The following AZGP1 variants were observed in gnomAD, a reference collection of about 807,000 sequenced individuals.
AZGP1 encodes alpha-2-glycoprotein 1, zinc-binding.
A neutral mutation model predicts 31.5 loss-of-function variants in AZGP1; 28 were observed. The ratio of observed to expected loss-of-function variants is 0.89; its 90% CI spans 0.66 to 1.22. The LOEUF is 1.22. AZGP1 is among the 50% of genes most tolerant of loss of function. The pLI, the probability that AZGP1 is intolerant of heterozygous loss-of-function variation, is 0.00. For synonymous variants in AZGP1, 135 were observed against 145.4 expected, an observed-to-expected ratio of 0.93 and a Z score of 0.51; for missense variants, 361 against 371.8, an observed-to-expected ratio of 0.97 and a Z score of 0.24.
chr7:99,973,792 T>A (rs1033887663), intron 1 of AZGP1, among the ~76,000 whole-genome samples: 1 of 150,920 alleles, frequency 6.6e-6, no homozygotes, highest in Admixed American at 6.6e-5. Context: ...GGCACACACC[T>A]GTAGTCCCAG....
At chr7:99,971,565 A>C (rs547441082) in intron 2 of AZGP1, 181 bp downstream of exon 2, 1 of 708,968 alleles carries the variant, frequency 1.4e-6, no homozygotes, top group African/African-American at 1.8e-5. Flanking sequence ...ATTGATGGGG[A>C]AGCGGGGAGC....
chr7:99,970,709 T>C (rs1212208769), intron 2 of AZGP1, among the ~76,000 whole-genome samples: 1 of 152,106 alleles, frequency 6.6e-6, no homozygotes, highest in Non-Finnish European at 1.5e-5. Context: ...CCATTTTCCT[T>C]ACCAAGACCT....
intron 1 of AZGP1, among the ~76,000 whole-genome samples, chr7:99,975,636 A>G (rs73156698): frequency 0.15 from 22,108 of 152,188 alleles, 1,634 homozygotes; most frequent in Middle Eastern, 0.2. Context: ...AAGCAGCTCC[A>G]GGCATATGGT....
chr7:99,967,121 C>A lies in AZGP1; in HGVS notation c.779G>T (p.Gly260Val), dbSNP rs1182113726. 9.3e-6 allele frequency: 15 copies of A among 1,614,096 alleles called. No homozygotes were observed. The Admixed American group carries it at 2.3e-4, about 25-fold the overall frequency. ...LRGDVLHNGN[G>V]TYQSWVVVAV... ...CACCACCACCCAGGACTGGTAAGTG[C>A]CATTTCCATTGTGAAGAACATCTCC... The change falls in exon 4 of 4, where the codon GGC (glycine) becomes GTC (valine). Residue 260 changes from glycine to valine, a missense_variant. Physicochemically the swap from Gly to Val is moderately radical, Grantham distance 109 (BLOSUM62 -3). Coordinates refer to ENST00000292401, the MANE Select transcript of AZGP1 (RefSeq NM_001185.4).
chr7:99,973,015 G>T (rs1345608961), intron 1 of AZGP1, among the ~76,000 whole-genome samples: 1 of 152,016 alleles, frequency 6.6e-6, no homozygotes, highest in African/African-American at 2.4e-5. Flanking sequence ...TACTCAGGAG[G>T]CTGAGGCAGG....
At chr7:99,971,471 G>A (rs1210988988) in intron 2 of AZGP1, 8 of 409,202 alleles carry the variant, frequency 2.0e-5, no homozygotes, top group Non-Finnish European at 3.6e-5. Context: ...GGGGTGTGGA[G>A]GTGAGAGGTC....
rs550754219 is a variant in AZGP1 at position 99,969,515 on chromosome 7, G to A, written c.338-1085C>T. On this transcript the variant is annotated intron_variant, in intron 2 of 3. Coordinates refer to ENST00000292401, the MANE Select transcript of AZGP1 (RefSeq NM_001185.4). ...GAATCCCTTGAACCCAGGAGGCAAA[G>A]TTTGCAGTGAGCTGAGATTGCATCA... 2.3e-4 allele frequency among the ~76,000 whole-genome samples: 35 copies of A among 151,704 alleles called. 2 individuals carry two copies. The South Asian group carries it at 6.9e-3, about 30-fold the overall frequency.
At chr7:99,968,545 A>G in intron 2 of AZGP1, 115 bp from the exon 3 acceptor site, 1 of 1,308,256 alleles carries the variant, frequency 7.6e-7, no homozygotes, top group Non-Finnish European at 1.1e-6. Context: ...TTTGCAATTC[A>G]AGCATGCAAT....
Position 99,967,258 on chromosome 7 carries a change from G to C in AZGP1, c.642C>G (p.His214Gln). The change falls in exon 4 of 4, where the codon CAC (histidine) becomes CAG (glutamine). Residue 214 changes from histidine (H) to glutamine (Q), a missense_variant. Coordinates refer to ENST00000292401, the MANE Select transcript of AZGP1 (RefSeq NM_001185.4). Reference sequence around the variant, plus strand: ...GTTTCTTCTTTTCTCCTGGGGCCTGGTGGCTGGTGACCACCACAGAGGGAG... The same window carrying C: ...GTTTCTTCTTTTCTCCTGGGGCCTGCTGGCTGGTGACCACCACAGAGGGAG... ...QDPPSVVVTS[H>Q]QAPGEKKKLK... 1 of 1,613,018 alleles carries C rather than the reference G, an allele frequency of 6.2e-7. No individual in the cohort carries two copies. Among genetic ancestry groups the C allele is most frequent in the Non-Finnish European group, 8.5e-7 (1 of 1,179,672 alleles).
chr7:99,967,459 C>CTGATAT, intron 3 of AZGP1, 173 bp from the exon 4 acceptor site: 1 of 722,100 alleles, frequency 1.4e-6, no homozygotes, highest in Non-Finnish European at 2.2e-6. Context: ...GACGCTTTCC[C>CTGATAT]TCTTGCCCAA....
chr7:99,973,913 A>G (rs1035956271), intron 1 of AZGP1, among the ~76,000 whole-genome samples: 2 of 149,938 alleles, frequency 1.3e-5, no homozygotes, highest in Non-Finnish European at 3.0e-5. Flanking sequence ...CACAAAAAAA[A>G]AAAAAAAAAG....
Position 99,967,111 on chromosome 7 carries a change from C to T in AZGP1, c.789G>A (p.Gln263=), listed in dbSNP as rs747398583. ...DVLHNGNGTY[Q]SWVVVAVPPQ... is the part of the protein sequence containing the mutation. ...GGGGCACTGCCACCACCACCCAGGA[C>T]TGGTAAGTGCCATTTCCATTGTGAA... The change falls in exon 4 of 4, where the codon CAG becomes CAA. Residue 263 remains glutamine, a synonymous_variant. Coordinates refer to ENST00000292401, the MANE Select transcript of AZGP1 (RefSeq NM_001185.4). 6.2e-7 allele frequency: 1 copy of T among 1,614,074 alleles called. No homozygotes were observed. The highest frequency in any genetic ancestry group is 1.3e-5 in the African/African-American group (1 of 74,926).
chr7:99,974,161 A>G lies in AZGP1; in HGVS notation c.76+1784T>C, dbSNP rs937643298. On this transcript the variant is annotated intron_variant, in intron 1 of 3. Transcript: ENST00000292401. ...GGCAGTGTACACCCGAGGCAAGATAATTGCTTGAACCCAACAGGCGGAGGT... is the reference window on the plus strand; with the variant it reads ...GGCAGTGTACACCCGAGGCAAGATAGTTGCTTGAACCCAACAGGCGGAGGT... Among the ~76,000 whole-genome samples, 67 of 152,172 alleles carry G rather than the reference A, an allele frequency of 4.4e-4. 1 individual carries two copies. The highest frequency in any genetic ancestry group is 4.4e-3 in the Admixed American group (67 of 15,270).
chr7:99,972,083 G>A (rs988741634), intron 1 of AZGP1, 77 bp from the exon 2 acceptor site: 15 of 1,474,580 alleles, frequency 1.0e-5, no homozygotes, highest in Admixed American at 2.3e-5. Flanking sequence ...TAGGAGGGGA[G>A]ACCTGCCACT....
chr7:99,971,218 T>A (rs1789571154), intron 2 of AZGP1, among the ~76,000 whole-genome samples: 1 of 152,224 alleles, frequency 6.6e-6, no homozygotes, highest in Admixed American at 6.5e-5. Context: ...GACTGTGACA[T>A]CCTTCATAGA....
intron 2 of AZGP1, chr7:99,968,717 C>T: frequency 2.4e-6 from 1 of 414,896 alleles, no homozygotes; most frequent in Non-Finnish European, 4.3e-6. Context: ...AATCCCAGCA[C>T]TTTGAGAAGC....
At chr7:99,968,621 T>G in intron 2 of AZGP1, 191 bp from the exon 3 acceptor site, 2 of 709,742 alleles carry the variant, frequency 2.8e-6, no homozygotes, top group Non-Finnish European at 4.6e-6. Flanking sequence ...GCTAACTCAG[T>G]TTGGTTTGGC....
chr7:99,968,043 C>G, intron 3 of AZGP1, 112 bp downstream of exon 3: 2 of 1,393,626 alleles, frequency 1.4e-6, no homozygotes, highest in Non-Finnish European at 2.0e-6. Flanking sequence ...AGCTGGGGGT[C>G]TGAGGGACAT....
At chr7:99,968,583 C>T (rs2115677341) in intron 2 of AZGP1, 153 bp from the exon 3 acceptor site, 1 of 944,574 alleles carries the variant, frequency 1.1e-6, no homozygotes, top group Admixed American at 2.4e-5. Context: ...TAGGTTATTA[C>T]TCCAATATAT....
Sources: gnomAD v4.1 joint callset for allele counts (sites outside exome capture counted in the v4.1 genomes callset) on GRCh38, gnomAD v4.1.1 for gene constraint, MANE v1.5 for transcripts, NCBI Gene and HGNC (gene_info 2026-07-23, HGNC 2026-07-21) for gene names.